The following TMCO4 variants were observed in gnomAD, a reference collection of about 807,000 sequenced individuals.
TMCO4 encodes transmembrane and coiled-coil domain-containing protein 4.
Under a neutral mutation model 64.7 loss-of-function variants are expected in TMCO4, and 58 were observed. That is an observed-to-expected ratio of 0.90 (90% CI 0.73 to 1.12). TMCO4 has a LOEUF of 1.12. Among genes scored for constraint, TMCO4 ranks in the 50% most tolerant of loss-of-function variants. TMCO4 has a pLI of 0.00. For missense variants in TMCO4, 780 were observed against 825.9 expected, an observed-to-expected ratio of 0.94 and a Z score of 0.68; for synonymous variants, 325 against 346.1, an observed-to-expected ratio of 0.94 and a Z score of 0.68.
rs1371575843 is a variant in TMCO4, at chr1:19,739,915, G to A, written c.1088C>T (p.Ala363Val). Residue 363 changes from alanine (A) to valine (V), a missense_variant, in exon 12 of 16, where the codon GCC becomes GTC. Transcript: ENST00000294543. ...LTWPASLLSV[A>V]NVIDNPWGVC... The stretch of plus-strand genomic sequence containing the variant: ...CCCCCAGGGGTTGTCGATGACATTG[G>A]CGACACTGAGGAGTGAGGCTGGCCA... 4 of 1,613,910 alleles carry A rather than the reference G, an allele frequency of 2.5e-6. No homozygotes were observed. The highest frequency in any genetic ancestry group is 3.4e-6 in the Non-Finnish European group (4 of 1,179,986).
At chr1:19,749,757 T>G (rs1400375055) in intron 7 of TMCO4, among the ~76,000 whole-genome samples, 1 of 152,218 alleles carries the variant, frequency 6.6e-6, no homozygotes, top group Non-Finnish European at 1.5e-5. Context: ...ATAGGGTCAC[T>G]CTGTCAGCCT....
chr1:19,771,319 C>A lies in TMCO4; in HGVS notation c.343G>T (p.Val115Leu). The stretch of plus-strand genomic sequence containing the variant: ...GGTGTTGGGTGTACCTGAGTGATCA[C>A]CGTCGGGTCGTCCTTCAAGATGGGG... ...KDPILKDDPT[V>L]ITQDLLSFSL... is the part of the protein sequence containing the mutation. Residue 115 changes from valine (V) to leucine (L), a missense_variant, in exon 5 of 16, where the codon GTG (valine) becomes TTG (leucine). By Grantham distance (32) the Val-to-Leu change is conservative (BLOSUM62 1). Coordinates refer to ENST00000294543, the MANE Select transcript of TMCO4 (RefSeq NM_181719.7). 2 of 1,613,978 alleles carry A rather than the reference C, an allele frequency of 1.2e-6. No individual in the cohort carries two copies. The highest frequency in any genetic ancestry group is 1.7e-6 in the Non-Finnish European group (2 of 1,179,924).
intron 15 of TMCO4, among the ~76,000 whole-genome samples, chr1:19,692,270 G>A (rs2095201190): frequency 6.6e-6 from 1 of 152,042 alleles, no homozygotes; most frequent in South Asian, 2.1e-4. Context: ...TCCCCCTATG[G>A]AGCACCTCTC....
At chr1:19,760,264 T>C (rs562057345) in intron 6 of TMCO4, among the ~76,000 whole-genome samples, 3 of 152,088 alleles carry the variant, frequency 2.0e-5, no homozygotes, top group Non-Finnish European at 4.4e-5. Context: ...GCCTCCCAAG[T>C]AGCTGGGACT....
intron 13 of TMCO4, 161 bp from the exon 14 acceptor site, chr1:19,701,046 A>G (rs2095268973): frequency 3.3e-6 from 2 of 607,882 alleles, no homozygotes; most frequent in Admixed American, 3.1e-5. Flanking sequence ...ACATGCAAAC[A>G]CGCAAACATG....
At chr1:19,761,848 TGTGCTC>T (rs2042518344) in intron 6 of TMCO4, among the ~76,000 whole-genome samples, 1 of 152,200 alleles carries the variant, frequency 6.6e-6, no homozygotes, top group Non-Finnish European at 1.5e-5. Context: ...ATAGTCTGGA[TGTGCTC>T]ATGCCTGGAG....
At chr1:19,704,702 G>A (rs1162365815) in intron 13 of TMCO4, among the ~76,000 whole-genome samples, 1 of 152,224 alleles carries the variant, frequency 6.6e-6, no homozygotes, top group African/African-American at 2.4e-5. Context: ...GCGGCTGCCT[G>A]CAGGGCTGGG....
At chr1:19,788,158 T>C (rs1349591794) in intron 2 of TMCO4, among the ~76,000 whole-genome samples, 2 of 152,230 alleles carry the variant, frequency 1.3e-5, no homozygotes, top group Non-Finnish European at 2.9e-5. Flanking sequence ...TTCTCCTGGA[T>C]GTTGCGTTCC....
chr1:19,727,512 A>G (rs145046126), intron 13 of TMCO4, among the ~76,000 whole-genome samples: 2 of 152,382 alleles, frequency 1.3e-5, no homozygotes, highest in African/African-American at 4.8e-5. Flanking sequence ...TCTAGTGCTT[A>G]GCACACAGTA....
chr1:19,746,595 C>T lies in TMCO4; in HGVS notation c.618G>A (p.Val206=), dbSNP rs371839980. The change falls in exon 9 of 16, where the codon GTG becomes GTA. Residue 206 remains valine, a synonymous_variant. Transcript: ENST00000294543. The stretch of plus-strand genomic sequence containing the variant: ...CAAGGGGTGCAGCTAGACCTCCAGT[C>T]ACACCTGTGGGAAAAGCAGCAGTTT... ...ATVGGGTVIG[V]TGGLAAPLVA... is the part of the protein sequence containing the mutation. 14 of 1,606,244 alleles carry T rather than the reference C, an allele frequency of 8.7e-6. No individual in the cohort carries two copies. The African/African-American group carries it at 1.9e-4, about 21-fold the overall frequency.
intron 6 of TMCO4, among the ~76,000 whole-genome samples, chr1:19,764,306 G>A (rs924811004): frequency 7.2e-5 from 11 of 152,188 alleles, no homozygotes; most frequent in South Asian, 2.1e-4. Context: ...CATTCTCTGC[G>A]CTGCAGTTTC....
chr1:19,756,215 C>CTCTA (rs1409275044), intron 6 of TMCO4, among the ~76,000 whole-genome samples: 4 of 152,164 alleles, frequency 2.6e-5, no homozygotes, highest in African/African-American at 9.7e-5. Context: ...TGTCACTGCA[C>CTCTA]TCTAGCCTGG....
In TMCO4 at chr1:19,705,760, C is replaced by T. The variant is rs535870687; in HGVS notation, c.1265-4875G>A. On this transcript the variant is annotated intron_variant, in intron 13 of 15. Coordinates refer to ENST00000294543, the MANE Select transcript of TMCO4 (RefSeq NM_181719.7). ...AAACCTATTTAGGTTAGGAAAAAGA[C>T]GATACTGGCTGCTGTCATAGCTGCT... Among the ~76,000 whole-genome samples, 15 of 150,992 alleles carry T rather than the reference C, an allele frequency of 9.9e-5. No individual in the cohort carries two copies. In the East Asian group the frequency reaches 1.6e-3, roughly 16 times the overall value.
intron 7 of TMCO4, among the ~76,000 whole-genome samples, chr1:19,748,206 G>A (rs2041873417): frequency 6.6e-6 from 1 of 152,206 alleles, no homozygotes; most frequent in Non-Finnish European, 1.5e-5. Flanking sequence ...ATTTAGCATG[G>A]CGGCGGGCAC....
chr1:19,709,239 C>T (rs2100669180), intron 13 of TMCO4, among the ~76,000 whole-genome samples: 1 of 151,524 alleles, frequency 6.6e-6, no homozygotes, highest in Admixed American at 6.6e-5. Flanking sequence ...ATTCCCATCT[C>T]TTTTATTTGG....
chr1:19,702,795 A>C (rs980789246), intron 13 of TMCO4, among the ~76,000 whole-genome samples: 2 of 151,824 alleles, frequency 1.3e-5, no homozygotes, highest in African/African-American at 4.8e-5. Flanking sequence ...ACCAAAGTGC[A>C]ATCCAATTGT....
chr1:19,771,573 A>G (rs41310424), intron 4 of TMCO4, 91 bp from the exon 5 acceptor site: 159,863 of 1,323,970 alleles, frequency 0.12, 10,887 homozygotes, highest in Middle Eastern at 0.13. Context: ...GGATGTGAAC[A>G]GCTGGCACGT....
chr1:19,736,733 T>C lies in TMCO4; in HGVS notation c.1264+639A>G, dbSNP rs115891599. Among the ~76,000 whole-genome samples, 1,067 of 152,300 alleles carry C rather than the reference T, an allele frequency of 7.0e-3. 16 individuals carry two copies. Among genetic ancestry groups the C allele is most frequent in the African/African-American group, 0.025 (1,020 of 41,552 alleles). On this transcript the variant is annotated intron_variant, in intron 13 of 15. Transcript: ENST00000294543. Reference sequence around the variant, plus strand: ...CTGCCTTGCACAGAAAGGATGACACTGGAGGCATGACACACTCCCAAAGGT... The same window carrying C: ...CTGCCTTGCACAGAAAGGATGACACCGGAGGCATGACACACTCCCAAAGGT...
At chr1:19,742,849 A>G (rs1331228299) in intron 10 of TMCO4, among the ~76,000 whole-genome samples, 3 of 152,178 alleles carry the variant, frequency 2.0e-5, no homozygotes, top group Non-Finnish European at 4.4e-5. Flanking sequence ...GAAGGGATCA[A>G]GACCATCCTG....
Sources: gnomAD v4.1 joint callset for allele counts (sites outside exome capture counted in the v4.1 genomes callset) on GRCh38, gnomAD v4.1.1 for gene constraint, MANE v1.5 for transcripts, NCBI Gene and HGNC (gene_info 2026-07-23, HGNC 2026-07-21) for gene names.